Variants in HDAC9 observed in about 807,000 individuals in gnomAD.
HDAC9 encodes histone deacetylase 9, also known as MEF-2 interacting transcription repressor (MITR) protein.
Under a neutral mutation model 139.4 loss-of-function variants are expected in HDAC9, and 41 were observed. The observed-to-expected ratio is 0.29, with a 90% CI of 0.23 to 0.38. The LOEUF is 0.38. Among genes scored for constraint, HDAC9 ranks in the 10% least tolerant of loss-of-function variants. The probability of loss-of-function intolerance (pLI) is 1.00; values close to 1 mark genes in which losing one functional copy is unlikely to be tolerated. For synonymous variants in HDAC9, 517 were observed against 476.2 expected (o/e 1.09, Z -1.12); for missense variants, 1,147 against 1,297.0 (o/e 0.88, Z 1.78).
chr7:18,754,551 C>T (rs1034485000), intron 14 of HDAC9, among the ~76,000 whole-genome samples: 3 of 152,074 alleles, frequency 2.0e-5, no homozygotes, highest in Non-Finnish European at 4.4e-5. Flanking sequence ...GTGGAATTTG[C>T]GTTGCCTTTT....
In HDAC9 at chr7:18,975,914, C is replaced by G. The variant is rs2129337918; in HGVS notation, c.3131C>G (p.Thr1044Arg). The G allele has an allele frequency of 6.2e-7, 1 of 1,613,892 alleles. No individual in the cohort carries two copies. Among genetic ancestry groups the G allele is most frequent in the Non-Finnish European group, 8.5e-7 (1 of 1,179,848 alleles). ...TETVSALASL[T>R]VDVEQPFAQE... ...ACCGTTTCTGCCCTGGCCTCCCTAA[C>G]AGTGGATGTGGAACAGCCCTTTGCT... Residue 1044 changes from threonine (T) to arginine (R), a missense_variant, in exon 25 of 26, where the codon ACA becomes AGA. Thr to Arg is a moderately conservative substitution (Grantham distance 71, BLOSUM62 -1). Transcript: ENST00000686413.
In HDAC9 at chr7:18,961,021, C is replaced by G. The variant is rs114324836; in HGVS notation, c.3022+6791C>G. Among the ~76,000 whole-genome samples the G allele has an allele frequency of 2.2e-3, 340 of 152,280 alleles. 1 individual carries two copies. Among genetic ancestry groups the G allele is most frequent in the African/African-American group, 7.9e-3 (330 of 41,562 alleles). ...ACTTTACTAGCTTCTTGACTGCACA[C>G]CAAAATTCTAACTCAAACTCAGTTT... On this transcript the variant is annotated intron_variant, in intron 24 of 25. Coordinates refer to ENST00000686413, the MANE Select transcript of HDAC9 (RefSeq NM_178425.4).
intron 12 of HDAC9, among the ~76,000 whole-genome samples, chr7:18,720,027 C>G (rs1026404485): frequency 6.6e-6 from 1 of 152,218 alleles, no homozygotes; most frequent in African/African-American, 2.4e-5. Flanking sequence ...AAGGAACACA[C>G]TGTTTTAATT....
chr7:18,087,221 G>T (rs1406830560), intron 1 of HDAC9: 1 of 152,368 alleles, frequency 6.6e-6, no homozygotes, highest in Non-Finnish European at 1.5e-5. Context: ...GAGGTGAGTG[G>T]CACCACGGCA....
chr7:18,590,593 T>C, intron 4 of HDAC9, 107 bp downstream of exon 4: 1 of 1,111,552 alleles, frequency 9.0e-7, no homozygotes. Flanking sequence ...CAAAATTATC[T>C]GTGTTTAATT....
chr7:18,141,256 A>G (rs1785878764), intron 1 of HDAC9, among the ~76,000 whole-genome samples: 1 of 152,226 alleles, frequency 6.6e-6, no homozygotes, highest in Admixed American at 6.5e-5. Context: ...CAGAAAAATT[A>G]TCTACTTTAA....
At chr7:18,367,182 A>G (rs980093233) in intron 1 of HDAC9, among the ~76,000 whole-genome samples, 1 of 152,106 alleles carries the variant, frequency 6.6e-6, no homozygotes, top group African/African-American at 2.4e-5. Context: ...TAATTCCATC[A>G]TTCCAAGAAA....
intron 1 of HDAC9, among the ~76,000 whole-genome samples, chr7:18,357,108 CTAGGATCT>C (rs1356342209): frequency 1.3e-5 from 2 of 152,052 alleles, no homozygotes; most frequent in Non-Finnish European, 2.9e-5. Context: ...TTATACCATT[CTAGGATCT>C]TATAGAATCT....
chr7:18,707,868 T>A (rs1784055706), intron 12 of HDAC9, among the ~76,000 whole-genome samples: 1 of 151,678 alleles, frequency 6.6e-6, no homozygotes, highest in Non-Finnish European at 1.5e-5. Context: ...TGTGTGTGTG[T>A]GTGTGTGTAT....
At chr7:18,819,607 G>T (rs571680973) in intron 17 of HDAC9, among the ~76,000 whole-genome samples, 4 of 152,044 alleles carry the variant, frequency 2.6e-5, no homozygotes, top group African/African-American at 9.6e-5. Context: ...TTCCGCATAT[G>T]GTCCCACCGG....
chr7:18,220,338 T>C (rs1792611561), intron 2 of HDAC9, among the ~76,000 whole-genome samples: 1 of 152,226 alleles, frequency 6.6e-6, no homozygotes, highest in Non-Finnish European at 1.5e-5. Context: ...TAGCCATGAC[T>C]ATTCAGAACT....
rs1407667618 is a variant in HDAC9, at chr7:18,634,731, C to T, written c.901C>T (p.Pro301Ser). 1.9e-6 allele frequency: 3 copies of T among 1,589,906 alleles called. No homozygotes were observed. The highest frequency in any genetic ancestry group is 2.7e-5 in the African/African-American group (2 of 74,346). The stretch of plus-strand genomic sequence containing the variant: ...TGAGACTTCGGTTTTGCCCCCTACC[C>T]CTCATGCCGAGGTAAGACCCTTATT... ...ENETSVLPPT[P>S]HAEQMVSQQR... The change falls in exon 8 of 26, where the codon CCT becomes TCT. Residue 301 changes from proline to serine, a missense_variant. Physicochemically the swap from Pro to Ser is moderately conservative, Grantham distance 74. This residue lies in a region of HDAC9 where 264 missense variants were observed against 273.8 expected (regional missense o/e 0.96). Coordinates refer to ENST00000686413, the MANE Select transcript of HDAC9 (RefSeq NM_178425.4).
intron 14 of HDAC9, among the ~76,000 whole-genome samples, chr7:18,749,512 T>C (rs192107666): frequency 1.5e-3 from 223 of 152,344 alleles, no homozygotes; most frequent in African/African-American, 4.9e-3. Flanking sequence ...TATATGCCAA[T>C]TTTGCCACAT....
intron 2 of HDAC9, among the ~76,000 whole-genome samples, chr7:18,281,108 G>A (rs1797078041): frequency 6.6e-6 from 1 of 152,180 alleles, no homozygotes; most frequent in Admixed American, 6.5e-5. Context: ...ATGACACAAG[G>A]TGGAACAGAG....
intron 1 of HDAC9, among the ~76,000 whole-genome samples, chr7:18,386,002 T>G (rs1157109123): frequency 1.3e-5 from 2 of 152,218 alleles, no homozygotes; most frequent in Admixed American, 1.3e-4. Flanking sequence ...TCTGCAAAGA[T>G]TTAGCATTTA....
intron 12 of HDAC9, among the ~76,000 whole-genome samples, chr7:18,701,210 A>G (rs1783447166): frequency 6.6e-6 from 1 of 152,064 alleles, no homozygotes; most frequent in South Asian, 2.1e-4. Context: ...AACAAAACAA[A>G]CAAACAAGAA....
chr7:18,459,478 AAG>A (rs1289292699), intron 1 of HDAC9, among the ~76,000 whole-genome samples: 1 of 152,044 alleles, frequency 6.6e-6, no homozygotes, highest in African/African-American at 2.4e-5. Context: ...TTTTTTTTTA[AAG>A]CATTTGTCTT....
At chr7:18,303,348 A>C (rs1419418304) in intron 1 of HDAC9, among the ~76,000 whole-genome samples, 1 of 149,834 alleles carries the variant, frequency 6.7e-6, no homozygotes, top group Non-Finnish European at 1.5e-5. Flanking sequence ...CTGGGACTAC[A>C]GGCACCCACC....
chr7:18,301,955 C>T (rs900427484), intron 1 of HDAC9, among the ~76,000 whole-genome samples: 1 of 152,148 alleles, frequency 6.6e-6, no homozygotes, highest in Admixed American at 6.5e-5. Flanking sequence ...TGTGCATATG[C>T]ATTTGACCAA....
Sources: gnomAD v4.1 joint callset for allele counts (sites outside exome capture counted in the v4.1 genomes callset) on GRCh38, gnomAD v4.1.1 for gene constraint, gnomAD v4.1.1 regional missense constraint, MANE v1.5 for transcripts, NCBI Gene and HGNC (gene_info 2026-07-23, HGNC 2026-07-21) for gene names.